Variants in CDH8 observed in about 807,000 individuals in gnomAD.
The protein encoded by CDH8 is cadherin 8.
In CDH8, 17 loss-of-function variants were observed where a neutral mutation model predicts 68.1. That is an observed-to-expected ratio of 0.25 (90% confidence interval 0.17 to 0.37). CDH8 has a LOEUF of 0.37. Ranked by LOEUF, CDH8 falls within the 10% of genes least tolerant of loss-of-function variation. CDH8 has a pLI of 1.00. For synonymous variants in CDH8, 372 were observed against 365.1 expected (o/e 1.02, Z -0.21); for missense variants, 763 against 999.3 (o/e 0.76, Z 3.19).
chr16:61,768,398 T>TCTCTCTCTCTCTCTC (rs1960684849), intron 8 of CDH8, among the ~76,000 whole-genome samples: 9 of 35,218 alleles, frequency 2.6e-4, no homozygotes, highest in East Asian at 2.0e-3. Context: ...CTCTCTCCCT[T>TCTCTCTCTCTCTCTC]TCTCTCTCTC....
At chr16:62,032,857 T>C (rs995762312) in intron 1 of CDH8, among the ~76,000 whole-genome samples, 2 of 152,184 alleles carry the variant, frequency 1.3e-5, no homozygotes, top group Admixed American at 6.5e-5. Flanking sequence ...ACAAAGATTG[T>C]CATTTTTTTC....
intron 10 of CDH8, among the ~76,000 whole-genome samples, chr16:61,680,468 A>C (rs1963991218): frequency 6.6e-6 from 1 of 151,896 alleles, no homozygotes; most frequent in Non-Finnish European, 1.5e-5. Flanking sequence ...TCTGTGTAAT[A>C]CAGTTTTCCC....
intron 2 of CDH8, among the ~76,000 whole-genome samples, chr16:61,931,322 C>T (rs1964536950): frequency 1.3e-5 from 2 of 152,154 alleles, no homozygotes; most frequent in South Asian, 2.1e-4. Context: ...CACAACCATG[C>T]ACAGCTAATT....
chr16:61,793,548 C>T (rs2142995095), intron 7 of CDH8, among the ~76,000 whole-genome samples: 1 of 152,116 alleles, frequency 6.6e-6, no homozygotes, highest in Admixed American at 6.6e-5. Context: ...ATAATGGCCT[C>T]CAGCTCCATC....
intron 2 of CDH8, among the ~76,000 whole-genome samples, chr16:61,962,712 G>A (rs1344344759): frequency 6.6e-6 from 1 of 152,142 alleles, no homozygotes; most frequent in African/African-American, 2.4e-5. Context: ...CGGAACAAAA[G>A]TATAAAATTG....
intron 2 of CDH8, among the ~76,000 whole-genome samples, chr16:61,971,536 C>T (rs1215300964): frequency 1.3e-5 from 2 of 152,286 alleles, no homozygotes; most frequent in Admixed American, 6.5e-5. Context: ...CCTCTCTGGG[C>T]ACGCCACCCT....
chr16:61,989,369 GTGC>G (rs1224430198), intron 2 of CDH8, among the ~76,000 whole-genome samples: 2 of 152,212 alleles, frequency 1.3e-5, no homozygotes, highest in Non-Finnish European at 2.9e-5. Context: ...TAGTGGCAAA[GTGC>G]TGATGTTGAA....
intron 10 of CDH8, among the ~76,000 whole-genome samples, chr16:61,705,802 C>T (rs1365770938): frequency 1.3e-5 from 2 of 152,172 alleles, no homozygotes; most frequent in Non-Finnish European, 2.9e-5. Context: ...CCCACAAAAT[C>T]ATAATATTGT....
chr16:61,802,095 C>G, intron 7 of CDH8, among the ~76,000 whole-genome samples: 1 of 141,576 alleles, frequency 7.1e-6, no homozygotes, highest in Non-Finnish European at 1.5e-5. Context: ...AGCAGTGGTT[C>G]TCCCAGCACA....
At chr16:61,680,562 G>C (rs1366680525) in intron 10 of CDH8, among the ~76,000 whole-genome samples, 1 of 147,276 alleles carries the variant, frequency 6.8e-6, no homozygotes, top group African/African-American at 2.5e-5. Flanking sequence ...TGAACTTGTG[G>C]ATGAGAACAA....
rs1269820936 is a variant in CDH8, at chr16:61,651,338, G to T, written c.*2270C>A. On this transcript the variant is annotated 3_prime_UTR_variant, in exon 12 of 12. Coordinates refer to ENST00000577390, the MANE Select transcript of CDH8 (RefSeq NM_001796.5). The stretch of plus-strand genomic sequence containing the variant: ...TGTTGGACCATCCCTTTGACCTCAA[G>T]AAAAAGTGTTCACTAGCCGTAATAA... The T allele has an allele frequency of 6.6e-6, 1 of 152,062 alleles. No homozygotes were observed. The highest frequency in any genetic ancestry group is 1.5e-5 in the Non-Finnish European group (1 of 68,008). The allele number at this position is 152,062 out of a possible 1,614,324, so 9.4% of individuals were successfully genotyped here.
chr16:61,809,371 T>C (rs1301057677), intron 7 of CDH8, among the ~76,000 whole-genome samples: 1 of 151,954 alleles, frequency 6.6e-6, no homozygotes, highest in African/African-American at 2.4e-5. Flanking sequence ...CACTCATAAG[T>C]GGGAGTTGAA....
intron 3 of CDH8, among the ~76,000 whole-genome samples, chr16:61,880,204 G>A (rs573337178): frequency 1.1e-3 from 171 of 152,256 alleles, no homozygotes; most frequent in Non-Finnish European, 1.5e-3. Flanking sequence ...TATTATAGGT[G>A]TAAGCCACCG....
chr16:61,865,980 G>T (rs1298674059), intron 3 of CDH8, among the ~76,000 whole-genome samples: 1 of 152,142 alleles, frequency 6.6e-6, no homozygotes, highest in African/African-American at 2.4e-5. Flanking sequence ...CACTTTTGGA[G>T]GGTGAGGCAG....
intron 10 of CDH8, among the ~76,000 whole-genome samples, chr16:61,708,735 A>G (rs1198901502): frequency 6.6e-6 from 1 of 152,210 alleles, no homozygotes; most frequent in African/African-American, 2.4e-5. Context: ...TAAACAATAA[A>G]CTATAAATTA....
At chr16:61,919,451 A>G (rs1236575393) in intron 2 of CDH8, among the ~76,000 whole-genome samples, 2 of 147,174 alleles carry the variant, frequency 1.4e-5, no homozygotes, top group Non-Finnish European at 3.0e-5. Flanking sequence ...TAGAATAACC[A>G]ATACAGAGAA....
intron 11 of CDH8, among the ~76,000 whole-genome samples, chr16:61,654,946 C>T (rs1963409319): frequency 6.6e-6 from 1 of 152,184 alleles, no homozygotes; most frequent in South Asian, 2.1e-4. Context: ...TTGCAATCAT[C>T]ATTTTAAATT....
chr16:61,959,548 G>GTA (rs2143624329), intron 2 of CDH8, among the ~76,000 whole-genome samples: 2 of 92,310 alleles, frequency 2.2e-5, no homozygotes, highest in East Asian at 3.5e-4. Context: ...CTCTCTGTGT[G>GTA]TGTGTGTGTG....
chr16:61,839,344 T>C (rs1962637447), intron 4 of CDH8, among the ~76,000 whole-genome samples: 1 of 152,178 alleles, frequency 6.6e-6, no homozygotes, highest in Non-Finnish European at 1.5e-5. Flanking sequence ...TGTCTGATTA[T>C]TTCATTTTCC....
Sources: gnomAD v4.1 joint callset for allele counts (sites outside exome capture counted in the v4.1 genomes callset) on GRCh38, gnomAD v4.1.1 for gene constraint, MANE v1.5 for transcripts, NCBI Gene and HGNC (gene_info 2026-07-23, HGNC 2026-07-21) for gene names.